Variants in LDLRAD3 observed in about 807,000 individuals in gnomAD.
LDLRAD3 encodes low density lipoprotein receptor class A domain containing 3, also known as low-density lipoprotein receptor class A domain-containing protein 3.
Under a neutral mutation model 29.4 loss-of-function variants are expected in LDLRAD3, and 20 were observed. The ratio of observed to expected loss-of-function variants is 0.68; its 90% CI spans 0.48 to 0.99. LDLRAD3 has a LOEUF of 0.99. LDLRAD3 is among the 50% of genes least tolerant of loss of function. The pLI is 0.00. For missense variants in LDLRAD3, 420 were observed against 454.3 expected, an observed-to-expected ratio of 0.92 and a Z score of 0.69; for synonymous variants, 157 against 192.7, an observed-to-expected ratio of 0.81 and a Z score of 1.53.
intron 2 of LDLRAD3, among the ~76,000 whole-genome samples, chr11:36,037,555 C>T (rs1052277595): frequency 1.3e-5 from 2 of 152,148 alleles, no homozygotes; most frequent in East Asian, 1.9e-4. Flanking sequence ...CCTCATGATC[C>T]GCCCACCTCA....
rs150563345 is a variant in LDLRAD3, at chr11:36,148,607, G to A, written c.454+50146G>A. ...AGGAGGTTTGGGTGGGAATCTGAGTGACAGCCAAGGAGAAGGAGATAGGGC... is the reference window on the plus strand; with the variant it reads ...AGGAGGTTTGGGTGGGAATCTGAGTAACAGCCAAGGAGAAGGAGATAGGGC... On this transcript the variant is annotated intron_variant, in intron 4 of 5. Transcript: ENST00000315571. Among the ~76,000 whole-genome samples, 115 of 152,288 alleles carry A rather than the reference G, an allele frequency of 7.6e-4. No homozygotes were observed. In the East Asian group the frequency reaches 0.019, roughly 25 times the overall value.
intron 1 of LDLRAD3, among the ~76,000 whole-genome samples, chr11:35,988,470 A>G (rs531082078): frequency 5.3e-5 from 8 of 152,288 alleles, no homozygotes; most frequent in African/African-American, 1.9e-4. Context: ...GATATTAGAC[A>G]TTTGTGGGAT....
intron 1 of LDLRAD3, among the ~76,000 whole-genome samples, chr11:35,986,982 C>T (rs1283904091): frequency 2.0e-5 from 3 of 152,220 alleles, no homozygotes; most frequent in African/African-American, 7.2e-5. Context: ...GTCTGCCTCA[C>T]ACTTTTCTCA....
chr11:36,154,631 C>T (rs1854322286), intron 4 of LDLRAD3, among the ~76,000 whole-genome samples: 1 of 152,188 alleles, frequency 6.6e-6, no homozygotes, highest in Non-Finnish European at 1.5e-5. Context: ...TTCCATACTG[C>T]CTGTAGCCTC....
At chr11:36,174,783 C>G (rs1854647718) in intron 4 of LDLRAD3, among the ~76,000 whole-genome samples, 1 of 152,262 alleles carries the variant, frequency 6.6e-6, no homozygotes, top group Non-Finnish European at 1.5e-5. Context: ...AGATCGAGAC[C>G]ATCCTGGCTA....
At chr11:36,097,384 C>A (rs991096432) in intron 3 of LDLRAD3, among the ~76,000 whole-genome samples, 6 of 152,194 alleles carry the variant, frequency 3.9e-5, no homozygotes, top group Admixed American at 3.9e-4. Flanking sequence ...GTGCGTCAAT[C>A]CCTGCCTCAG....
chr11:36,054,848 G>GATGGATGGATGGATGGATGA (rs386373583), intron 2 of LDLRAD3, among the ~76,000 whole-genome samples: 8 of 149,782 alleles, frequency 5.3e-5, no homozygotes, highest in African/African-American at 1.7e-4. Context: ...TGAATGGATG[G>GATGGATGGATGGATGGATGA]ATGGATGGAT....
chr11:36,053,204 T>C (rs1275655642), intron 2 of LDLRAD3, among the ~76,000 whole-genome samples: 5 of 152,192 alleles, frequency 3.3e-5, no homozygotes, highest in African/African-American at 1.2e-4. Context: ...ACAAAAGAGT[T>C]GATTCCTACT....
chr11:36,169,662 C>T (rs1281674126), intron 4 of LDLRAD3, among the ~76,000 whole-genome samples: 1 of 152,162 alleles, frequency 6.6e-6, no homozygotes, highest in Non-Finnish European at 1.5e-5. Context: ...AATAGTATTC[C>T]ATTATGTATA....
intron 2 of LDLRAD3, among the ~76,000 whole-genome samples, chr11:36,080,546 G>A (rs1853097777): frequency 6.6e-6 from 1 of 152,202 alleles, no homozygotes; most frequent in Non-Finnish European, 1.5e-5. Context: ...TTCCAGCTGT[G>A]TGACCTTGGG....
chr11:35,983,440 T>C (rs1851568253), intron 1 of LDLRAD3, among the ~76,000 whole-genome samples: 1 of 152,132 alleles, frequency 6.6e-6, no homozygotes, highest in Non-Finnish European at 1.5e-5. Context: ...ATGGACCTGT[T>C]TGGGCTATGA....
At chr11:36,098,232 C>T (rs1015472711) in intron 3 of LDLRAD3, 95 bp from the exon 4 acceptor site, 2 of 1,457,716 alleles carry the variant, frequency 1.4e-6, no homozygotes, top group East Asian at 2.3e-5. Context: ...CTTACTGCTT[C>T]CTGAGCGGGA....
At chr11:35,964,933 T>G (rs1250432288) in intron 1 of LDLRAD3, among the ~76,000 whole-genome samples, 2 of 150,646 alleles carry the variant, frequency 1.3e-5, no homozygotes, top group Non-Finnish European at 2.9e-5. Flanking sequence ...GAGGCTGCAG[T>G]GAGCTGTGAT....
chr11:35,980,101 G>A (rs1340877734), intron 1 of LDLRAD3, among the ~76,000 whole-genome samples: 1 of 152,170 alleles, frequency 6.6e-6, no homozygotes, highest in African/African-American at 2.4e-5. Context: ...AATGTGTTTA[G>A]TAGCTCTCTA....
At chr11:36,143,947 CCTCTCT>C (rs1854127389) in intron 4 of LDLRAD3, among the ~76,000 whole-genome samples, 2 of 144,276 alleles carry the variant, frequency 1.4e-5, no homozygotes, top group Admixed American at 1.4e-4. Flanking sequence ...CCTCCCCCTC[CCTCTCT>C]TGCCACGGTC....
chr11:36,107,772 G>A (rs1853549563), intron 4 of LDLRAD3, among the ~76,000 whole-genome samples: 1 of 152,122 alleles, frequency 6.6e-6, no homozygotes, highest in Non-Finnish European at 1.5e-5. Context: ...TTAATTCTAT[G>A]ATGTGCACCC....
At chr11:36,085,854 A>G (rs905344648) in intron 3 of LDLRAD3, among the ~76,000 whole-genome samples, 1 of 152,024 alleles carries the variant, frequency 6.6e-6, no homozygotes, top group Non-Finnish European at 1.5e-5. Context: ...CCTGAGCTCA[A>G]GTGATCCGCC....
chr11:36,042,797 A>G (rs951863756), intron 2 of LDLRAD3, among the ~76,000 whole-genome samples: 1 of 152,202 alleles, frequency 6.6e-6, no homozygotes, highest in African/African-American at 2.4e-5. Context: ...TGGAGCAAGA[A>G]GACAGCTGTC....
chr11:36,038,484 G>T (rs373307504), intron 2 of LDLRAD3, among the ~76,000 whole-genome samples: 14 of 152,324 alleles, frequency 9.2e-5, no homozygotes, highest in African/African-American at 3.4e-4. Flanking sequence ...CTGAAAGAAC[G>T]CAGGATTAAG....
Sources: gnomAD v4.1 joint callset for allele counts (sites outside exome capture counted in the v4.1 genomes callset) on GRCh38, gnomAD v4.1.1 for gene constraint, MANE v1.5 for transcripts, NCBI Gene and HGNC (gene_info 2026-07-23, HGNC 2026-07-21) for gene names.